RAB27B: variants seen among roughly 807,000 people sequenced by gnomAD.
The protein encoded by RAB27B is RAB27B, member RAS oncogene family.
A neutral mutation model predicts 24.6 loss-of-function variants in RAB27B; 15 were observed. That is an observed-to-expected ratio of 0.61 (90% CI 0.41 to 0.94). The LOEUF (loss-of-function observed/expected upper bound fraction) is 0.94, where lower values mean the gene tolerates loss of function less well. Ranked by LOEUF, RAB27B falls within the 40% of genes least tolerant of loss-of-function variation. RAB27B has a pLI of 0.00. For missense variants in RAB27B, 261 were observed against 266.8 expected (o/e 0.98, Z 0.15); for synonymous variants, 105 against 92.5 (o/e 1.14, Z -0.78).
chr18:54,884,580 CA>C (rs1169815487), intron 4 of RAB27B, 144 bp downstream of exon 4: 2 of 565,834 alleles, frequency 3.5e-6, no homozygotes, highest in African/African-American at 3.8e-5. Context: ...GCCACTGTGT[CA>C]CCTTCAAAGT....
At chr18:54,735,879 T>C (rs1190283837) in intron 2 of RAB27B, among the ~76,000 whole-genome samples, 1 of 152,162 alleles carries the variant, frequency 6.6e-6, no homozygotes, top group East Asian at 1.9e-4. Context: ...AGTAAATGCC[T>C]GTTGCATGAA....
rs78214894 is a variant in RAB27B, at chr18:54,813,288, G to A, written c.-19-64279G>A. On this transcript the variant is annotated intron_variant, in intron 2 of 4. Coordinates refer to the RAB27B transcript ENST00000586570. The stretch of plus-strand genomic sequence containing the variant: ...GTCTGCTGTGCCATGTACTAGACAT[G>A]CTATGAGAAAGTTTACGTGCCTCAT... Among the ~76,000 whole-genome samples the A allele has an allele frequency of 5.2e-3, 792 of 152,354 alleles. 6 individuals are homozygous for A. The highest frequency in any genetic ancestry group is 0.018 in the African/African-American group (746 of 41,588).
At chr18:54,885,780 G>C (rs750283314) in intron 4 of RAB27B, 1 of 154,160 alleles carries the variant, frequency 6.5e-6, no homozygotes, top group African/African-American at 2.4e-5. Context: ...AGGTTTAATT[G>C]ACTCACAGTT....
At chr18:54,776,104 TTTG>T (rs936598175) in intron 2 of RAB27B, among the ~76,000 whole-genome samples, 6 of 152,256 alleles carry the variant, frequency 3.9e-5, no homozygotes, top group Admixed American at 6.5e-5. Context: ...GGCGGTGTTT[TTTG>T]TTGTTGTTGT....
chr18:54,800,708 C>T (rs907788756), intron 2 of RAB27B, among the ~76,000 whole-genome samples: 1 of 152,124 alleles, frequency 6.6e-6, no homozygotes, highest in African/African-American at 2.4e-5. Flanking sequence ...TTCCCAGCCC[C>T]AACTCTAATC....
intron 2 of RAB27B, among the ~76,000 whole-genome samples, chr18:54,736,136 C>A (rs980157000): frequency 7.2e-5 from 11 of 152,098 alleles, no homozygotes; most frequent in African/African-American, 2.7e-4. Flanking sequence ...TCTGATAAAA[C>A]TGAGTAGGGT....
intron 2 of RAB27B, among the ~76,000 whole-genome samples, chr18:54,777,153 A>C (rs2145082495): frequency 6.6e-6 from 1 of 152,384 alleles, no homozygotes; most frequent in South Asian, 2.1e-4. Context: ...GAAATGTGAG[A>C]GAAATCCTCA....
rs571521698 is a variant in RAB27B at position 54,863,186 on chromosome 18, A to T, written c.-19-14381A>T. On this transcript the variant is annotated intron_variant, in intron 1 of 5. Transcript: ENST00000262094. ...CAGTACCTGATTAAGTATATATGTG[A>T]TTAAATACATAGATTATTAAAGGTA... Among the ~76,000 whole-genome samples the T allele has an allele frequency of 3.5e-4, 54 of 152,344 alleles. No individual in the cohort carries two copies. The South Asian group carries it at 0.011, about 32-fold the overall frequency.
chr18:54,866,454 C>G (rs1424225808), intron 1 of RAB27B, among the ~76,000 whole-genome samples: 1 of 152,242 alleles, frequency 6.6e-6, no homozygotes, highest in East Asian at 1.9e-4. Flanking sequence ...TGCCACCACA[C>G]CCGGCTAATT....
intron 2 of RAB27B, among the ~76,000 whole-genome samples, chr18:54,721,740 C>G (rs972447908): frequency 6.6e-6 from 1 of 152,030 alleles, no homozygotes; most frequent in African/African-American, 2.4e-5. Flanking sequence ...ATTAAATAAA[C>G]CAGAATATAT....
rs1306664518 is a variant in RAB27B at position 54,888,105 on chromosome 18, G to A, written c.454G>A (p.Ala152Thr). The A allele has an allele frequency of 1.2e-6, 2 of 1,612,542 alleles. No individual in the cohort carries two copies. The highest frequency in any genetic ancestry group is 1.1e-5 in the South Asian group (1 of 90,816). ...EVNERQAREL[A>T]DKYGIPYFET... Reference sequence around the variant, plus strand: ...CAATGAACGGCAAGCTCGGGAACTGGCTGACAAATATGGGTAAGTCAGTTA... The same window carrying A: ...CAATGAACGGCAAGCTCGGGAACTGACTGACAAATATGGGTAAGTCAGTTA... Residue 152 changes from alanine to threonine, a missense_variant, in exon 5 of 6, where the codon GCT becomes ACT. Coordinates refer to ENST00000262094, the MANE Select transcript of RAB27B (RefSeq NM_004163.4).
intron 4 of RAB27B, among the ~76,000 whole-genome samples, chr18:54,887,290 A>G (rs1913184169): frequency 6.6e-6 from 1 of 151,762 alleles, no homozygotes; most frequent in Non-Finnish European, 1.5e-5. Context: ...TGTTCTATTT[A>G]CCTCCATCTA....
At chr18:54,750,547 T>C (rs766284213) in intron 2 of RAB27B, among the ~76,000 whole-genome samples, 197 of 133,482 alleles carry the variant, frequency 1.5e-3, no homozygotes, top group Non-Finnish European at 2.7e-3. Context: ...AGTTAATGAT[T>C]AGTTGCAGAG....
chr18:54,828,432 C>CCCG (rs1910548867), upstream of RAB27B: 2 of 152,266 alleles, frequency 1.3e-5, no homozygotes, highest in Non-Finnish European at 2.9e-5. Flanking sequence ...CTTACCCAGC[C>CCCG]CCGCCGCCGC....
At chr18:54,743,642 C>T (rs146525084) in intron 2 of RAB27B, among the ~76,000 whole-genome samples, 46 of 152,188 alleles carry the variant, frequency 3.0e-4, no homozygotes, top group African/African-American at 1.1e-3. Context: ...GTGTGTTTGT[C>T]ACATTCCAGG....
At chr18:54,776,912 GCA>G (rs971773979) in intron 2 of RAB27B, among the ~76,000 whole-genome samples, 2 of 152,120 alleles carry the variant, frequency 1.3e-5, no homozygotes, top group Non-Finnish European at 2.9e-5. Flanking sequence ...GGGTGTGGTG[GCA>G]CACACTGGTA....
chr18:54,769,460 G>T (rs62865461), intron 2 of RAB27B, among the ~76,000 whole-genome samples: 22,530 of 65,488 alleles, frequency 0.34, 2,204 homozygotes, highest in East Asian at 0.59. Flanking sequence ...TTTTTTTGTT[G>T]TTGTTGTTGT....
At chr18:54,840,878 G>A (rs1911080992) in intron 1 of RAB27B, among the ~76,000 whole-genome samples, 1 of 152,038 alleles carries the variant, frequency 6.6e-6, no homozygotes, top group South Asian at 2.1e-4. Context: ...GGCACGGTGG[G>A]TGGCTCAAGC....
chr18:54,743,885 G>A (rs966030665), intron 2 of RAB27B, among the ~76,000 whole-genome samples: 2 of 152,152 alleles, frequency 1.3e-5, no homozygotes, highest in East Asian at 1.9e-4. Context: ...TTAGGAAATC[G>A]ACCGTAAGGG....
Sources: gnomAD v4.1 joint callset for allele counts (sites outside exome capture counted in the v4.1 genomes callset) on GRCh38, gnomAD v4.1.1 for gene constraint, MANE v1.5 for transcripts, NCBI Gene and HGNC (gene_info 2026-07-23, HGNC 2026-07-21) for gene names.